The following ENOX1 variants were observed in gnomAD, a reference collection of about 807,000 sequenced individuals.
ENOX1 encodes ecto-NOX disulfide-thiol exchanger 1.
ENOX1 carries 42 observed loss-of-function variants against 82.5 expected under a neutral mutation model. The observed-to-expected ratio is 0.51, with a 90% CI of 0.40 to 0.66. The LOEUF (loss-of-function observed/expected upper bound fraction) is 0.66, where lower values mean the gene tolerates loss of function less well. Ranked by LOEUF, ENOX1 falls within the 30% of genes least tolerant of loss-of-function variation. The pLI, the probability that ENOX1 is intolerant of heterozygous loss-of-function variation, is 0.00. For missense variants in ENOX1, 608 were observed against 811.6 expected (o/e 0.75, Z 3.05); for synonymous variants, 271 against 282.2 (o/e 0.96, Z 0.40).
intron 2 of ENOX1, among the ~76,000 whole-genome samples, chr13:43,614,973 A>C (rs1656064497): frequency 6.6e-6 from 1 of 152,190 alleles, no homozygotes; most frequent in African/African-American, 2.4e-5. Flanking sequence ...TGTACATTAA[A>C]GTTTGAGGAG....
intron 2 of ENOX1, among the ~76,000 whole-genome samples, chr13:43,584,207 A>T (rs1283136730): frequency 6.6e-6 from 1 of 152,206 alleles, no homozygotes; most frequent in Non-Finnish European, 1.5e-5. Context: ...CCAGGCACGG[A>T]GGTGGGAATA....
At chr13:43,689,007 C>G (rs1175238878) in intron 1 of ENOX1, among the ~76,000 whole-genome samples, 1 of 152,038 alleles carries the variant, frequency 6.6e-6, no homozygotes, top group Non-Finnish European at 1.5e-5. Flanking sequence ...AGAACTCAGG[C>G]CAGGGCTGGG....
intron 3 of ENOX1, among the ~76,000 whole-genome samples, chr13:43,446,506 A>G (rs1037878076): frequency 6.6e-6 from 1 of 151,868 alleles, no homozygotes; most frequent in South Asian, 2.1e-4. Flanking sequence ...TATCTTCTAG[A>G]ATGCTTAAAT....
Position 43,357,186 on chromosome 13 carries a change from T to A in ENOX1, c.590-1034A>T, listed in dbSNP as rs1333824172. On this transcript the variant is annotated intron_variant, in intron 7 of 16. Coordinates refer to ENST00000690772, the MANE Select transcript of ENOX1 (RefSeq NM_001347969.2). ...GGGGCTGCCAGAGGAGAGAGCAACA[T>A]AAGCACTTTTCCAGTATGGGGGCTT... Among the ~76,000 whole-genome samples, 4 of 152,236 alleles carry A rather than the reference T, an allele frequency of 2.6e-5. No homozygotes were observed. The East Asian group carries it at 5.8e-4, about 22-fold the overall frequency.
chr13:43,260,970 G>C (rs935958914), intron 14 of ENOX1, among the ~76,000 whole-genome samples: 1 of 152,216 alleles, frequency 6.6e-6, no homozygotes, highest in Non-Finnish European at 1.5e-5. Flanking sequence ...GCATGAGCGT[G>C]AACTGCACAA....
chr13:43,557,801 C>T (rs769130759), intron 2 of ENOX1, among the ~76,000 whole-genome samples: 3 of 151,988 alleles, frequency 2.0e-5, no homozygotes, highest in Non-Finnish European at 4.4e-5. Flanking sequence ...TTGTCTCTAA[C>T]AGAAGTTTTA....
chr13:43,303,285 T>C (rs2046684660), intron 11 of ENOX1, among the ~76,000 whole-genome samples: 2 of 152,244 alleles, frequency 1.3e-5, no homozygotes, highest in South Asian at 4.1e-4. Flanking sequence ...TCCTGCCTCC[T>C]GCTCCACTAG....
intron 2 of ENOX1, among the ~76,000 whole-genome samples, chr13:43,658,883 T>C (rs1277428737): frequency 6.6e-6 from 1 of 152,226 alleles, no homozygotes; most frequent in South Asian, 2.1e-4. Context: ...TAAAGTTTCA[T>C]GATCATCTGT....
intron 2 of ENOX1, among the ~76,000 whole-genome samples, chr13:43,588,682 A>C (rs1349589323): frequency 6.6e-6 from 1 of 152,332 alleles, no homozygotes; most frequent in Non-Finnish European, 1.5e-5. Flanking sequence ...ACTAGTTTCA[A>C]GTTTTTGTTC....
Position 43,644,791 on chromosome 13 carries a change from C to A in ENOX1, c.-219+22688G>T, listed in dbSNP as rs988648022. 4.6e-5 allele frequency among the ~76,000 whole-genome samples: 7 copies of A among 152,294 alleles called. No homozygotes were observed. In the South Asian group the frequency reaches 1.5e-3, roughly 32 times the overall value. On this transcript the variant is annotated intron_variant, in intron 2 of 16. Coordinates refer to ENST00000690772, the MANE Select transcript of ENOX1 (RefSeq NM_001347969.2). ...TTGGAGTTCAATCCAGATCCAGCTGCCTTTAAAGCCATATTCACAGTACTA... is the reference window on the plus strand; with the variant it reads ...TTGGAGTTCAATCCAGATCCAGCTGACTTTAAAGCCATATTCACAGTACTA...
At chr13:43,301,155 C>T (rs1426007468) in intron 11 of ENOX1, among the ~76,000 whole-genome samples, 1 of 152,194 alleles carries the variant, frequency 6.6e-6, no homozygotes, top group Admixed American at 6.5e-5. Flanking sequence ...TAAGTCATTT[C>T]CTTAGGAAGC....
At chr13:43,587,576 A>C (rs1294158929) in intron 2 of ENOX1, among the ~76,000 whole-genome samples, 3 of 152,168 alleles carry the variant, frequency 2.0e-5, no homozygotes, top group Non-Finnish European at 2.9e-5. Flanking sequence ...TCCAATCTTT[A>C]TGATGGCTAG....
chr13:43,261,191 C>T (rs1216321693), intron 14 of ENOX1, among the ~76,000 whole-genome samples: 1 of 152,224 alleles, frequency 6.6e-6, no homozygotes, highest in South Asian at 2.1e-4. Flanking sequence ...CACAGTAGAA[C>T]GTAAAAACAA....
intron 3 of ENOX1, among the ~76,000 whole-genome samples, chr13:43,478,096 A>T (rs1243809024): frequency 1.4e-5 from 2 of 139,530 alleles, no homozygotes; most frequent in Non-Finnish European, 3.0e-5. Flanking sequence ...TTTAAATCAC[A>T]GTGGAAAATA....
intron 11 of ENOX1, among the ~76,000 whole-genome samples, chr13:43,315,064 C>A (rs7330869): frequency 0.14 from 20,783 of 152,106 alleles, 1,498 homozygotes; most frequent in African/African-American, 0.17. Context: ...GAATTTTATT[C>A]CTGAGCCTTA....
At chr13:43,560,471 CTTATT>C (rs1283111465) in intron 2 of ENOX1, among the ~76,000 whole-genome samples, 2 of 152,026 alleles carry the variant, frequency 1.3e-5, no homozygotes, top group African/African-American at 4.8e-5. Flanking sequence ...AAAATACTCT[CTTATT>C]TTAATTTTTG....
At chr13:43,754,321 GTGTATA>G (rs1031985127) in intron 1 of ENOX1, among the ~76,000 whole-genome samples, 21 of 61,364 alleles carry the variant, frequency 3.4e-4, no homozygotes, top group Middle Eastern at 0.011. Flanking sequence ...GTGTGTGTGT[GTGTATA>G]TATATATATA....
At chr13:43,682,656 G>C (rs1015349785) in intron 1 of ENOX1, among the ~76,000 whole-genome samples, 5 of 152,074 alleles carry the variant, frequency 3.3e-5, no homozygotes, top group Non-Finnish European at 7.4e-5. Flanking sequence ...CTCAGAAAGA[G>C]TTGAGCCAAG....
chr13:43,698,545 G>A (rs2086754841), intron 1 of ENOX1, among the ~76,000 whole-genome samples: 1 of 151,888 alleles, frequency 6.6e-6, no homozygotes, highest in African/African-American at 2.4e-5. Context: ...TTATAGAAAG[G>A]CATCTTTTGA....
Sources: allele counts gnomAD v4.1 joint callset (sites outside exome capture counted in the v4.1 genomes callset), GRCh38; gene constraint gnomAD v4.1.1; transcripts MANE v1.5; gene names NCBI Gene and HGNC (gene_info 2026-07-23, HGNC 2026-07-21).